CREB3L2: variants seen among roughly 807,000 people sequenced by gnomAD.
CREB3L2 encodes the protein cyclic AMP-responsive element-binding protein 3-like protein 2.
A neutral mutation model predicts 57.2 loss-of-function variants in CREB3L2; 23 were observed. The observed-to-expected ratio is 0.40, with a 90% CI of 0.29 to 0.57. The LOEUF is 0.57. CREB3L2 is among the 20% of genes least tolerant of loss of function. CREB3L2 has a pLI of 0.42. For synonymous variants in CREB3L2, 268 were observed against 265.1 expected (o/e 1.01, Z -0.11); for missense variants, 628 against 634.7 (o/e 0.99, Z 0.11).
In CREB3L2 at chr7:137,878,521, G is replaced by T. The variant is rs563277056; in HGVS notation, c.*1955C>A. 99 of 233,520 alleles carry T rather than the reference G, an allele frequency of 4.2e-4. No homozygotes were observed. The Middle Eastern group carries it at 6.4e-3, about 15-fold the overall frequency. The allele number at this position is 233,520 out of a possible 1,614,324, so 14.5% of individuals were successfully genotyped here. On this transcript the variant is annotated 3_prime_UTR_variant, in exon 12 of 12. Coordinates refer to ENST00000330387, the MANE Select transcript of CREB3L2 (RefSeq NM_194071.4). The stretch of plus-strand genomic sequence containing the variant: ...CAACAGGATCTGGGCTGCAGACAGT[G>T]GAGCAGAGAGAAGCAGAAGCAGAAC...
At chr7:137,982,194 C>T (rs931959574) in intron 1 of CREB3L2, among the ~76,000 whole-genome samples, 1 of 152,326 alleles carries the variant, frequency 6.6e-6, no homozygotes, top group East Asian at 1.9e-4. Flanking sequence ...ATGCACTGCA[C>T]ATACAATGCC....
At chr7:137,953,104 G>C (rs1451041343) in intron 1 of CREB3L2, among the ~76,000 whole-genome samples, 1 of 152,226 alleles carries the variant, frequency 6.6e-6, no homozygotes, top group African/African-American at 2.4e-5. Context: ...GGCATGAGCC[G>C]CTGTGCCCAG....
chr7:137,896,480 T>A lies in CREB3L2; in HGVS notation c.1043+4874A>T, dbSNP rs372312469. On this transcript the variant is annotated intron_variant, in intron 8 of 11. Transcript: ENST00000330387. Reference sequence around the variant, plus strand: ...CCACGCCCAGCTAATTTTGTATTTTTAGTAGATATGGGGTTTCTCCATGTT... The same window carrying A: ...CCACGCCCAGCTAATTTTGTATTTTAAGTAGATATGGGGTTTCTCCATGTT... 3.9e-5 allele frequency among the ~76,000 whole-genome samples: 6 copies of A among 152,176 alleles called. No individual in the cohort carries two copies. In the East Asian group the frequency reaches 7.7e-4, roughly 20 times the overall value.
chr7:137,955,599 C>T, intron 1 of CREB3L2, among the ~76,000 whole-genome samples: 1 of 152,132 alleles, frequency 6.6e-6, no homozygotes, highest in East Asian at 1.9e-4. Flanking sequence ...TGAAATCCAC[C>T]ACCTCGACTT....
chr7:137,902,021 C>T (rs1044293157), intron 7 of CREB3L2, among the ~76,000 whole-genome samples: 2 of 151,310 alleles, frequency 1.3e-5, no homozygotes, highest in African/African-American at 2.4e-5. Flanking sequence ...TGGTGAAACC[C>T]CATCTCTACT....
intron 1 of CREB3L2, among the ~76,000 whole-genome samples, chr7:137,987,024 G>C (rs1770370380): frequency 6.6e-6 from 1 of 152,196 alleles, no homozygotes. Flanking sequence ...GGCCTCCTCA[G>C]CCCACTGCCC....
At chr7:137,997,869 G>T (rs928393488) in intron 1 of CREB3L2, among the ~76,000 whole-genome samples, 1 of 152,114 alleles carries the variant, frequency 6.6e-6, no homozygotes, top group Non-Finnish European at 1.5e-5. Flanking sequence ...GGGGAAAGAG[G>T]CAAGGTTTCT....
chr7:137,961,197 G>A (rs1182201323), intron 1 of CREB3L2, among the ~76,000 whole-genome samples: 2 of 113,606 alleles, frequency 1.8e-5, no homozygotes, highest in African/African-American at 3.4e-5. Context: ...TATAAACTGG[G>A]GGGTGGGGGG....
At chr7:137,948,971 C>G (rs1343620327) in intron 1 of CREB3L2, among the ~76,000 whole-genome samples, 1 of 152,158 alleles carries the variant, frequency 6.6e-6, no homozygotes, top group Non-Finnish European at 1.5e-5. Context: ...TAGGAGTCAT[C>G]AGAAATATAA....
chr7:137,936,650 C>A (rs905430561), intron 1 of CREB3L2, among the ~76,000 whole-genome samples: 2 of 152,142 alleles, frequency 1.3e-5, no homozygotes, highest in Non-Finnish European at 2.9e-5. Flanking sequence ...ATGCTCACAG[C>A]CACAAACACA....
chr7:137,901,660 C>G (rs1489725517), intron 7 of CREB3L2, among the ~76,000 whole-genome samples: 1 of 151,534 alleles, frequency 6.6e-6, no homozygotes, highest in African/African-American at 2.4e-5. Flanking sequence ...GCAGGCGGAT[C>G]ACAAGGTCAG....
chr7:137,922,469 TAC>T (rs1563253487), intron 2 of CREB3L2: 24 of 132,776 alleles, frequency 1.8e-4, no homozygotes, highest in South Asian at 1.3e-3. Flanking sequence ...CATATATATA[TAC>T]ACACATATAT....
chr7:137,966,943 T>C (rs1246483531), intron 1 of CREB3L2, among the ~76,000 whole-genome samples: 1 of 152,076 alleles, frequency 6.6e-6, no homozygotes, highest in Non-Finnish European at 1.5e-5. Context: ...CCCAATGTGA[T>C]AGTATTTGGA....
At chr7:137,922,741 C>G (rs1446549444) in intron 2 of CREB3L2, 1 of 400,306 alleles carries the variant, frequency 2.5e-6, no homozygotes, top group African/African-American at 2.0e-5. Flanking sequence ...GCGGACCGTA[C>G]ATCCATTTAC....
chr7:137,948,150 T>C (rs1262526888), intron 1 of CREB3L2, among the ~76,000 whole-genome samples: 1 of 152,234 alleles, frequency 6.6e-6, no homozygotes, highest in East Asian at 1.9e-4. Context: ...TCTGCTCTTG[T>C]GTCTACCACC....
intron 8 of CREB3L2, among the ~76,000 whole-genome samples, chr7:137,896,663 C>T (rs538907767): frequency 4.1e-4 from 62 of 152,176 alleles, no homozygotes; most frequent in African/African-American, 1.4e-3. Flanking sequence ...ACAGATGAAT[C>T]CATTGCCAGC....
At chr7:137,956,764 A>G in intron 1 of CREB3L2, 1 of 554,826 alleles carries the variant, frequency 1.8e-6, no homozygotes, top group Non-Finnish European at 3.1e-6. Flanking sequence ...GCTAGCATAC[A>G]GCATAAGGCC....
At chr7:137,984,950 C>T (rs1311877695) in intron 1 of CREB3L2, among the ~76,000 whole-genome samples, 1 of 152,334 alleles carries the variant, frequency 6.6e-6, no homozygotes, top group Non-Finnish European at 1.5e-5. Context: ...CAATAGCTAA[C>T]ATTTTCTTCC....
chr7:137,899,096 AGAAGGAAG>A (rs200596273), intron 8 of CREB3L2, among the ~76,000 whole-genome samples: 5,191 of 83,770 alleles, frequency 0.062, 317 homozygotes, highest in East Asian at 0.072. Flanking sequence ...AAAAGGAAAG[AGAAGGAAG>A]GAAGGAAGGA....
Sources: allele counts gnomAD v4.1 joint callset (sites outside exome capture counted in the v4.1 genomes callset), GRCh38; gene constraint gnomAD v4.1.1; transcripts MANE v1.5; gene names NCBI Gene and HGNC (gene_info 2026-07-23, HGNC 2026-07-21).